The following ZSWIM7 variants were observed in gnomAD, a reference collection of about 807,000 sequenced individuals.
The protein encoded by ZSWIM7 is zinc finger SWIM domain-containing protein 7.
ZSWIM7 carries 22 observed loss-of-function variants against 21.1 expected under a neutral mutation model. That is an observed-to-expected ratio of 1.04 (90% CI 0.74 to 1.49). The LOEUF (loss-of-function observed/expected upper bound fraction) is 1.49, where lower values mean the gene tolerates loss of function less well. ZSWIM7 is among the 40% of genes most tolerant of loss of function. The probability of loss-of-function intolerance (pLI) is 0.00; values close to 1 mark genes in which losing one functional copy is unlikely to be tolerated. For synonymous variants in ZSWIM7, 67 were observed against 66.5 expected (o/e 1.01, Z -0.04); for missense variants, 193 against 168.0 (o/e 1.15, Z -0.82).
intron 1 of ZSWIM7, among the ~76,000 whole-genome samples, chr17:15,998,226 A>G (rs1970588897): frequency 1.3e-5 from 2 of 152,222 alleles, no homozygotes; most frequent in Non-Finnish European, 2.9e-5. Flanking sequence ...CAAATCTGAG[A>G]GCCCAGAACA....
intron 2 of ZSWIM7, among the ~76,000 whole-genome samples, 174 bp downstream of exon 2, chr17:15,993,583 G>T (rs1028114156): frequency 6.6e-6 from 1 of 151,410 alleles, no homozygotes; most frequent in African/African-American, 2.4e-5. Flanking sequence ...GGCCAGGATG[G>T]TCTTGATCTC....
At chr17:15,979,404 A>G (rs1444074363) in intron 4 of ZSWIM7, among the ~76,000 whole-genome samples, 2 of 152,216 alleles carry the variant, frequency 1.3e-5, no homozygotes, top group Admixed American at 1.3e-4. Context: ...ACACAGACAC[A>G]GCAACCATCC....
intron 3 of ZSWIM7, among the ~76,000 whole-genome samples, chr17:15,986,614 A>G (rs541962539): frequency 6.6e-5 from 10 of 151,932 alleles, no homozygotes; most frequent in African/African-American, 2.4e-4. Flanking sequence ...CAAAAAAAAA[A>G]GTTGAACTCA....
chr17:15,979,673 C>A (rs1362076556), intron 4 of ZSWIM7, among the ~76,000 whole-genome samples: 4 of 135,922 alleles, frequency 2.9e-5, no homozygotes, highest in South Asian at 2.4e-4. Context: ...AGGACTGACC[C>A]CCCCCACCTC....
intron 1 of ZSWIM7, among the ~76,000 whole-genome samples, chr17:15,996,235 A>C (rs951377829): frequency 1.3e-5 from 2 of 152,052 alleles, no homozygotes; most frequent in African/African-American, 2.4e-5. Flanking sequence ...CCCAGGAGGC[A>C]GAGGGTGCGG....
chr17:15,987,517 T>C, intron 2 of ZSWIM7, 149 bp from the exon 3 acceptor site: 1 of 648,670 alleles, frequency 1.5e-6, no homozygotes, highest in East Asian at 2.9e-5. Context: ...CATGGACCCA[T>C]TCACTCCCCA....
chr17:15,978,456 G>C (rs764173588), intron 4 of ZSWIM7, among the ~76,000 whole-genome samples: 1 of 152,130 alleles, frequency 6.6e-6, no homozygotes, highest in Non-Finnish European at 1.5e-5. Context: ...AAATTAGCTG[G>C]GTGTGGCGGT....
chr17:15,998,353 C>T (rs1466231036), intron 1 of ZSWIM7, among the ~76,000 whole-genome samples: 1 of 152,158 alleles, frequency 6.6e-6, no homozygotes, highest in Non-Finnish European at 1.5e-5. Flanking sequence ...TTAATTTTGA[C>T]TGAGATGAGG....
chr17:15,991,613 A>G (rs1341381865), intron 2 of ZSWIM7, among the ~76,000 whole-genome samples: 3 of 152,174 alleles, frequency 2.0e-5, no homozygotes, highest in Non-Finnish European at 2.9e-5. Context: ...GGCTATTTAC[A>G]TCTTTTATTC....
At chr17:15,998,590 C>T (rs577718864) in intron 1 of ZSWIM7, among the ~76,000 whole-genome samples, 164 of 152,104 alleles carry the variant, frequency 1.1e-3, no homozygotes, top group Middle Eastern at 0.01. Flanking sequence ...TTGATCTTAT[C>T]CTAGCATACT....
At chr17:15,996,957 G>A (rs1385441825) in intron 1 of ZSWIM7, among the ~76,000 whole-genome samples, 2 of 151,910 alleles carry the variant, frequency 1.3e-5, no homozygotes, top group South Asian at 2.1e-4. Flanking sequence ...TCCAGACTTC[G>A]AGTCCAGCCT....
rs1275438769 is a variant in ZSWIM7, at chr17:15,979,591, G to A, written c.307-1428C>T. ...CGGGCAGAGGCGCCCCTCACCTCCC[G>A]GACGAGGCGGCTGGCCAGGCGGGGG... is the stretch of plus-strand genomic sequence containing the variant. On this transcript the variant is annotated intron_variant, in intron 4 of 4. Transcript: ENST00000399277. Among the ~76,000 whole-genome samples the A allele has an allele frequency of 4.0e-5, 6 of 150,208 alleles. No individual in the cohort carries two copies. In the South Asian group the frequency reaches 6.4e-4, roughly 16 times the overall value.
At chr17:15,991,703 A>C (rs1185479646) in intron 2 of ZSWIM7, among the ~76,000 whole-genome samples, 4 of 152,186 alleles carry the variant, frequency 2.6e-5, no homozygotes, top group Non-Finnish European at 4.4e-5. Context: ...AATACAGTAA[A>C]GGTTAAGGCC....
chr17:15,979,387 T>A (rs943370195), intron 4 of ZSWIM7, among the ~76,000 whole-genome samples: 7 of 152,230 alleles, frequency 4.6e-5, no homozygotes, highest in African/African-American at 7.2e-5. Flanking sequence ...CATGTCTACT[T>A]CTTTCCACAC....
At position 15,978,007 on chromosome 17, in the gene ZSWIM7, A is replaced by G. The variant is rs1342773712; in HGVS notation, c.*40T>C. 4 of 1,496,834 alleles carry G rather than the reference A, an allele frequency of 2.7e-6. No individual in the cohort carries two copies. In the Admixed American group the frequency reaches 5.0e-5, roughly 19 times the overall value. 92.7% of individuals were successfully genotyped at this position (1,496,834 alleles called of 1,614,324 possible). On this transcript the variant is annotated 3_prime_UTR_variant, in exon 5 of 5. Transcript: ENST00000399277. ...TGACGCTTTCAATGCATTTCTTGAC[A>G]GGATTCTATTTTGAAAGAATGATGC...
intron 3 of ZSWIM7, among the ~76,000 whole-genome samples, chr17:15,985,250 G>C (rs1231446871): frequency 1.3e-5 from 2 of 150,794 alleles, no homozygotes; most frequent in African/African-American, 4.9e-5. Flanking sequence ...GTTGCAGTGA[G>C]CTAAGATCAT....
intron 3 of ZSWIM7, 27 bp downstream of exon 3, chr17:15,987,239 G>A: frequency 1.3e-6 from 2 of 1,569,754 alleles, no homozygotes; most frequent in Non-Finnish European, 1.7e-6. Context: ...GTTTCTGTAG[G>A]GATCACCCCC....
chr17:15,999,494 G>A, intron 1 of ZSWIM7, 25 bp downstream of exon 1: 2 of 1,595,354 alleles, frequency 1.3e-6, no homozygotes, highest in Non-Finnish European at 1.7e-6. Context: ...CCATGGCGCA[G>A]CCACACACGA....
chr17:15,994,627 C>A (rs1970525962), intron 1 of ZSWIM7, among the ~76,000 whole-genome samples: 1 of 152,166 alleles, frequency 6.6e-6, no homozygotes, highest in African/African-American at 2.4e-5. Flanking sequence ...GAGGTTCAAA[C>A]ACAGGCTATT....
Sources: allele counts gnomAD v4.1 joint callset (sites outside exome capture counted in the v4.1 genomes callset), GRCh38; gene constraint gnomAD v4.1.1; transcripts MANE v1.5; gene names NCBI Gene and HGNC (gene_info 2026-07-23, HGNC 2026-07-21).